SLC7A2: variants seen among roughly 807,000 people sequenced by gnomAD.
SLC7A2 encodes cationic amino acid transporter 2.
A neutral mutation model predicts 58.9 loss-of-function variants in SLC7A2; 48 were observed. That is an observed-to-expected ratio of 0.82 (90% CI 0.65 to 1.04). SLC7A2 has a LOEUF of 1.04. SLC7A2 is among the 50% of genes least tolerant of loss of function. The pLI, the probability that SLC7A2 is intolerant of heterozygous loss-of-function variation, is 0.00. For synonymous variants in SLC7A2, 363 were observed against 314.5 expected, an observed-to-expected ratio of 1.15 and a Z score of -1.63; for missense variants, 1,029 against 818.8, an observed-to-expected ratio of 1.26 and a Z score of -3.13.
At chr8:17,510,748 G>A (rs560513783) in intron 2 of SLC7A2, 1 of 152,236 alleles carries the variant, frequency 6.6e-6, no homozygotes, top group Admixed American at 6.5e-5. Flanking sequence ...GTCCCATCAT[G>A]GGGTATATAC....
At chr8:17,560,556 A>G (rs753491030) in intron 10 of SLC7A2, 23 bp downstream of exon 10, 22 of 1,579,638 alleles carry the variant, frequency 1.4e-5, no homozygotes, top group Non-Finnish European at 1.9e-5. Flanking sequence ...CTCTGCTTAC[A>G]TTGTACAGAC....
At chr8:17,507,187 C>T (rs1800403350) in intron 2 of SLC7A2, among the ~76,000 whole-genome samples, 1 of 152,076 alleles carries the variant, frequency 6.6e-6, no homozygotes, top group Non-Finnish European at 1.5e-5. Context: ...CCTTGTGATC[C>T]ACCCGCTTCG....
In SLC7A2 at chr8:17,565,047, TGCA is replaced by T. The variant is rs773503691; in HGVS notation, c.1886_1888del (p.Ala629del). On this transcript the variant is annotated inframe_deletion, in exon 13 of 13. Transcript: ENST00000494857. ...AAGATGCTTATCCAGACAACGTTCA[TGCA>T]GCAGCAGAAGAAAAATCTGCCATTC... is the stretch of plus-strand genomic sequence containing the variant. The T allele has an allele frequency of 6.2e-7, 1 of 1,613,990 alleles. No individual in the cohort carries two copies. Among genetic ancestry groups the T allele is most frequent in the South Asian group, 1.1e-5 (1 of 91,060 alleles).
At chr8:17,496,740 A>G (rs570618877), upstream of SLC7A2, among the ~76,000 whole-genome samples, 3 of 152,250 alleles carry the variant, frequency 2.0e-5, no homozygotes, top group South Asian at 6.2e-4. Flanking sequence ...AAACGGGGGG[A>G]CCAAAACCCC....
upstream of SLC7A2, among the ~76,000 whole-genome samples, chr8:17,494,409 G>T (rs1435247123): frequency 6.6e-6 from 1 of 152,182 alleles, no homozygotes; most frequent in African/African-American, 2.4e-5. Flanking sequence ...AAATGACTAA[G>T]TTGGATTTTC....
chr8:17,495,892 G>C (rs1039716496), upstream of SLC7A2, among the ~76,000 whole-genome samples: 6 of 152,202 alleles, frequency 3.9e-5, no homozygotes, highest in Non-Finnish European at 7.3e-5. Flanking sequence ...GGCTTCCTGA[G>C]ATACATTGAG....
chr8:17,516,329 G>A lies in SLC7A2; in HGVS notation c.-23+14027G>A, dbSNP rs188462113. On this transcript the variant is annotated intron_variant, in intron 2 of 12. Transcript: ENST00000494857. Reference sequence around the variant, plus strand: ...CAACCTCCGCCTTCCAGTCTCAAGCGATTATCCTGCCTCAGCCTCCCAAGT... The same window carrying A: ...CAACCTCCGCCTTCCAGTCTCAAGCAATTATCCTGCCTCAGCCTCCCAAGT... Among the ~76,000 whole-genome samples the A allele has an allele frequency of 9.9e-5, 15 of 152,150 alleles. No homozygotes were observed. The East Asian group carries it at 2.5e-3, about 26-fold the overall frequency.
intron 12 of SLC7A2, among the ~76,000 whole-genome samples, 195 bp from the exon 13 acceptor site, chr8:17,564,755 T>G (rs542872081): frequency 4.3e-4 from 66 of 152,256 alleles, no homozygotes; most frequent in African/African-American, 1.5e-3. Context: ...AGAGACTGCT[T>G]GCTCACTTCC....
Position 17,530,053 on chromosome 8 carries a change from C to T in SLC7A2, c.-22-13265C>T, listed in dbSNP as rs137925684. Among the ~76,000 whole-genome samples, 565 of 152,206 alleles carry T rather than the reference C, an allele frequency of 3.7e-3. 5 individuals carry two copies. Among genetic ancestry groups the T allele is most frequent in the African/African-American group, 0.013 (549 of 41,504 alleles). ...CTCCACACCCTCTTATCTCTCTTGC[C>T]GGCTTCTCTTGGCAGGTGAATGAGC... On this transcript the variant is annotated intron_variant, in intron 2 of 12. Coordinates refer to ENST00000494857, the MANE Select transcript of SLC7A2 (RefSeq NM_001370338.1).
intron 10 of SLC7A2, among the ~76,000 whole-genome samples, chr8:17,561,434 G>T (rs891260359): frequency 6.6e-6 from 1 of 152,076 alleles, no homozygotes; most frequent in African/African-American, 2.4e-5. Context: ...AGAACAGTGT[G>T]GGGGAAACCG....
intron 8 of SLC7A2, 40 bp downstream of exon 8, chr8:17,554,739 T>C (rs1020864277): frequency 6.3e-7 from 1 of 1,579,214 alleles, no homozygotes; most frequent in Non-Finnish European, 8.6e-7. Context: ...CGGGGGATCT[T>C]TTTCATCAAG....
chr8:17,563,555 T>C, intron 11 of SLC7A2, 48 bp from the exon 12 acceptor site: 6 of 1,138,738 alleles, frequency 5.3e-6, no homozygotes, highest in Non-Finnish European at 7.9e-6. Context: ...ACTTGGGGAA[T>C]ATGCTTCAAA....
chr8:17,538,982 C>T (rs1585231878), intron 2 of SLC7A2: 1 of 1,450,722 alleles, frequency 6.9e-7, no homozygotes, highest in Middle Eastern at 1.7e-4. Context: ...GAAATGTCAA[C>T]CTTTACTTAG....
At chr8:17,495,138 TTTTC>T (rs1486930813), upstream of SLC7A2, among the ~76,000 whole-genome samples, 3 of 152,240 alleles carry the variant, frequency 2.0e-5, no homozygotes, top group Non-Finnish European at 4.4e-5. Flanking sequence ...TTTTTTTATT[TTTTC>T]TTTCTTTATT....
Position 17,560,469 on chromosome 8 carries a change from C to G in SLC7A2, c.1440C>G (p.Phe480Leu). Reference protein sequence around the residue: ...QRQGFSMRTLFCPSLLPTQQS... With the variant: ...QRQGFSMRTLLCPSLLPTQQS... ...AGGGCTTCAGCATGCGGACCCTCTTCTGCCCCTCCCTTCTGCCAACACAGC... is the reference window on the plus strand; with the variant it reads ...AGGGCTTCAGCATGCGGACCCTCTTGTGCCCCTCCCTTCTGCCAACACAGC... Residue 480 changes from phenylalanine (F) to leucine (L), a missense_variant, in exon 10 of 13, where the codon TTC (phenylalanine) becomes TTG (leucine). By Grantham distance (22) the Phe-to-Leu change is conservative. Coordinates refer to ENST00000494857, the MANE Select transcript of SLC7A2 (RefSeq NM_001370338.1). The G allele has an allele frequency of 6.2e-7, 1 of 1,614,032 alleles. No individual in the cohort carries two copies. Among genetic ancestry groups the G allele is most frequent in the South Asian group, 1.1e-5 (1 of 91,074 alleles).
intron 1 of SLC7A2, among the ~76,000 whole-genome samples, chr8:17,501,010 CTT>C (rs375110186): frequency 0.4 from 57,396 of 144,646 alleles, 11,289 homozygotes; most frequent in East Asian, 0.63. Context: ...TTCTTATCGA[CTT>C]TTTTTTTTTT....
chr8:17,563,934 A>G (rs1319416405), intron 12 of SLC7A2, among the ~76,000 whole-genome samples: 2 of 152,188 alleles, frequency 1.3e-5, no homozygotes, highest in African/African-American at 2.4e-5. Flanking sequence ...CCTTCTACTT[A>G]TGGGTGAAAA....
chr8:17,555,285 T>G (rs1246838206), intron 8 of SLC7A2, among the ~76,000 whole-genome samples: 4 of 152,144 alleles, frequency 2.6e-5, no homozygotes, highest in Non-Finnish European at 5.9e-5. Flanking sequence ...TAATTGACCC[T>G]TTGGGATTTT....
chr8:17,508,126 T>C (rs1033912489), intron 2 of SLC7A2, among the ~76,000 whole-genome samples: 8 of 152,118 alleles, frequency 5.3e-5, no homozygotes, highest in Non-Finnish European at 8.8e-5. Context: ...ATTTTTTACT[T>C]TTTCTGATTA....
Sources: allele counts gnomAD v4.1 joint callset (sites outside exome capture counted in the v4.1 genomes callset), GRCh38; gene constraint gnomAD v4.1.1; transcripts MANE v1.5; gene names NCBI Gene and HGNC (gene_info 2026-07-23, HGNC 2026-07-21).